NOL4: variants seen among roughly 807,000 people sequenced by gnomAD.
NOL4 encodes the protein cancer/testis antigen 125.
NOL4 carries 17 observed loss-of-function variants against 75.9 expected under a neutral mutation model. That is an observed-to-expected ratio of 0.22 (90% confidence interval 0.15 to 0.34). The LOEUF is 0.34. Among genes scored for constraint, NOL4 ranks in the 10% least tolerant of loss-of-function variants. The pLI is 1.00. For synonymous variants in NOL4, 292 were observed against 289.9 expected (o/e 1.01, Z -0.07); for missense variants, 614 against 793.5 (o/e 0.77, Z 2.72).
chr18:34,180,262 G>A (rs185440484), intron 1 of NOL4, among the ~76,000 whole-genome samples: 259 of 151,214 alleles, frequency 1.7e-3, no homozygotes, highest in Admixed American at 3.2e-3. Context: ...TACCAAATTC[G>A]GCAACATATA....
At chr18:34,000,170 C>G (rs941361092) in intron 6 of NOL4, among the ~76,000 whole-genome samples, 2 of 152,142 alleles carry the variant, frequency 1.3e-5, no homozygotes, top group Non-Finnish European at 2.9e-5. Flanking sequence ...CTTGTCCAAT[C>G]ATTCGGCATT....
chr18:34,112,618 C>T (rs1489554915), intron 2 of NOL4, among the ~76,000 whole-genome samples: 1 of 152,028 alleles, frequency 6.6e-6, no homozygotes, highest in East Asian at 1.9e-4. Context: ...GAAAGACAAG[C>T]ATAATCTCAC....
intron 4 of NOL4, among the ~76,000 whole-genome samples, chr18:34,094,382 G>A (rs1433304981): frequency 6.6e-6 from 1 of 152,068 alleles, no homozygotes; most frequent in Admixed American, 6.6e-5. Context: ...TTCTTTACAA[G>A]CAAATATAAA....
chr18:34,159,303 G>A (rs576985417), intron 1 of NOL4, among the ~76,000 whole-genome samples: 1 of 152,138 alleles, frequency 6.6e-6, no homozygotes, highest in African/African-American at 2.4e-5. Context: ...CAGTTGCCGC[G>A]GCAACGGCCG....
intron 5 of NOL4, among the ~76,000 whole-genome samples, chr18:34,043,991 A>G (rs1190771361): frequency 1.3e-5 from 2 of 152,124 alleles, no homozygotes; most frequent in East Asian, 3.9e-4. Context: ...ATCTATCAAG[A>G]AGATAGAGAA....
At position 34,122,968 on chromosome 18, in the gene NOL4, A is replaced by C. The variant is rs535416307; in HGVS notation, c.414+6903T>G. Among the ~76,000 whole-genome samples the C allele has an allele frequency of 2.6e-5, 4 of 152,270 alleles. No individual in the cohort carries two copies. The East Asian group carries it at 7.7e-4, about 29-fold the overall frequency. On this transcript the variant is annotated intron_variant, in intron 2 of 10. Coordinates refer to ENST00000261592, the MANE Select transcript of NOL4 (RefSeq NM_003787.5). ...GGGAGCACTAAAGTAGTAATTTACT[A>C]GGCTGTCATAAACAACTAATGAAGT...
intron 5 of NOL4, among the ~76,000 whole-genome samples, chr18:34,022,059 G>A (rs1388504366): frequency 6.6e-6 from 1 of 151,340 alleles, no homozygotes; most frequent in Non-Finnish European, 1.5e-5. Flanking sequence ...AGCTGAAATC[G>A]CGCCATTGCA....
chr18:33,973,448 A>T (rs985407023), intron 6 of NOL4, among the ~76,000 whole-genome samples: 1 of 152,162 alleles, frequency 6.6e-6, no homozygotes, highest in Non-Finnish European at 1.5e-5. Context: ...TGCTATTTTG[A>T]TCTTCTCCCA....
At chr18:33,867,905 G>A (rs1273771291) in intron 10 of NOL4, among the ~76,000 whole-genome samples, 1 of 152,042 alleles carries the variant, frequency 6.6e-6, no homozygotes, top group Non-Finnish European at 1.5e-5. Context: ...AAAGACCAAT[G>A]TCTTGGCTCA....
At chr18:33,915,077 G>A (rs73955073) in intron 9 of NOL4, among the ~76,000 whole-genome samples, 1 of 152,106 alleles carries the variant, frequency 6.6e-6, no homozygotes, top group African/African-American at 2.4e-5. Context: ...AGCAGGAAAA[G>A]AATTCGTATG....
At chr18:33,898,977 C>T (rs1250976555) in intron 9 of NOL4, among the ~76,000 whole-genome samples, 1 of 152,162 alleles carries the variant, frequency 6.6e-6, no homozygotes, top group Non-Finnish European at 1.5e-5. Flanking sequence ...CAACACCCAT[C>T]CCCACTCCAC....
rs555154638 is a variant in NOL4, at chr18:34,112,359, A to G, written c.415-7199T>C. On this transcript the variant is annotated intron_variant, in intron 2 of 10. Coordinates refer to ENST00000261592, the MANE Select transcript of NOL4 (RefSeq NM_003787.5). ...ACTCTAGCCTGGGTGACAGAGTGAG[A>G]CTGTCCCCCCCCAAAAAAAAAAGAT... is the stretch of plus-strand genomic sequence containing the variant. Among the ~76,000 whole-genome samples the G allele has an allele frequency of 5.9e-5, 9 of 151,952 alleles. No homozygotes were observed. The South Asian group carries it at 1.9e-3, about 32-fold the overall frequency.
intron 10 of NOL4, among the ~76,000 whole-genome samples, chr18:33,882,901 T>C (rs915538844): frequency 1.3e-5 from 2 of 151,930 alleles, no homozygotes; most frequent in African/African-American, 4.8e-5. Flanking sequence ...TTCATGTCCT[T>C]TGTAGGGACA....
rs570949617 is a variant in NOL4 at position 34,029,286 on chromosome 18, T to C, written c.773-9685A>G. On this transcript the variant is annotated intron_variant, in intron 5 of 10. Coordinates refer to ENST00000261592, the MANE Select transcript of NOL4 (RefSeq NM_003787.5). ...TCTAGTCTTGGGTCCCTTAAATCAC[T>C]GTCTCCCTTATTGGGACACATCATT... 4.6e-5 allele frequency among the ~76,000 whole-genome samples: 7 copies of C among 152,332 alleles called. No homozygotes were observed. The East Asian group carries it at 1.2e-3, about 25-fold the overall frequency.
chr18:33,925,536 AT>A (rs2067273812), intron 9 of NOL4, among the ~76,000 whole-genome samples: 1 of 152,188 alleles, frequency 6.6e-6, no homozygotes, highest in African/African-American at 2.4e-5. Context: ...ATAGGCAATA[AT>A]TAATGATATA....
chr18:34,024,658 C>T (rs2075256202), intron 5 of NOL4, among the ~76,000 whole-genome samples: 1 of 152,068 alleles, frequency 6.6e-6, no homozygotes, highest in Non-Finnish European at 1.5e-5. Flanking sequence ...CAACACAAAG[C>T]AGGTAATGTA....
At chr18:34,129,774 A>C in intron 2 of NOL4, 97 bp downstream of exon 2, 1 of 1,170,614 alleles carries the variant, frequency 8.5e-7, no homozygotes, top group Non-Finnish European at 1.1e-6. Flanking sequence ...ATTTATGTTG[A>C]AGATAGAATA....
intron 9 of NOL4, among the ~76,000 whole-genome samples, chr18:33,934,861 C>CTTTTTTTTTT (rs1568087191): frequency 7.1e-6 from 1 of 141,478 alleles, no homozygotes; most frequent in African/African-American, 2.7e-5. Context: ...TGGAGTAGCA[C>CTTTTTTTTTT]GTTTTTTTTT....
chr18:33,926,755 C>T (rs1156264058), intron 9 of NOL4, among the ~76,000 whole-genome samples: 1 of 152,034 alleles, frequency 6.6e-6, no homozygotes, highest in East Asian at 1.9e-4. Flanking sequence ...CGCCCACCAC[C>T]ACGCCCAGCT....
Sources: allele counts gnomAD v4.1 joint callset (sites outside exome capture counted in the v4.1 genomes callset), GRCh38; gene constraint gnomAD v4.1.1; transcripts MANE v1.5; gene names NCBI Gene and HGNC (gene_info 2026-07-23, HGNC 2026-07-21).